Variants in ZNF217 observed in about 807,000 individuals in gnomAD.
ZNF217 encodes the protein zinc finger protein 217.
In ZNF217, 12 loss-of-function variants were observed where a neutral mutation model predicts 73.3. The observed-to-expected ratio is 0.16, with a 90% CI of 0.10 to 0.27. The LOEUF is 0.27. Ranked by LOEUF, ZNF217 falls within the 10% of genes least tolerant of loss-of-function variation. The pLI is 1.00. For synonymous variants in ZNF217, 588 were observed against 516.4 expected (o/e 1.14, Z -1.88); for missense variants, 1,195 against 1,327.8 (o/e 0.90, Z 1.55).
chr20:53,595,707 T>TAAA (rs1218931384), upstream of ZNF217, among the ~76,000 whole-genome samples: 1 of 152,264 alleles, frequency 6.6e-6, no homozygotes, highest in Admixed American at 6.5e-5. Flanking sequence ...TGATCACTTT[T>TAAA]AGTATTAGGA....
chr20:53,588,610 A>C (rs200521718), intron 1 of ZNF217, among the ~76,000 whole-genome samples: 7,808 of 147,012 alleles, frequency 0.053, 333 homozygotes, highest in East Asian at 0.15. Context: ...ATATATATAT[A>C]TATATATATA....
intron 2 of ZNF217, among the ~76,000 whole-genome samples, chr20:53,579,946 CAT>C (rs1988424413): frequency 6.6e-6 from 1 of 152,228 alleles, no homozygotes. Context: ...TGATCTAGCC[CAT>C]GTTTTCCACA....
At chr20:53,589,442 C>CAA (rs1281110547) in intron 1 of ZNF217, among the ~76,000 whole-genome samples, 2 of 152,170 alleles carry the variant, frequency 1.3e-5, no homozygotes, top group Non-Finnish European at 2.9e-5. Flanking sequence ...AGTCAGTCAA[C>CAA]AAATGTTCAA....
At chr20:53,587,223 C>A (rs1351175134) in intron 1 of ZNF217, among the ~76,000 whole-genome samples, 1 of 152,154 alleles carries the variant, frequency 6.6e-6, no homozygotes, top group Non-Finnish European at 1.5e-5. Flanking sequence ...CTAGAAAAGG[C>A]TGGAATAGAA....
intron 1 of ZNF217, among the ~76,000 whole-genome samples, chr20:53,591,406 G>A (rs1988875060): frequency 6.6e-6 from 1 of 152,142 alleles, no homozygotes; most frequent in South Asian, 2.1e-4. Context: ...TCCTCATCAC[G>A]CCAAATCATT....
chr20:53,579,823 A>AT (rs758351434), intron 2 of ZNF217, among the ~76,000 whole-genome samples: 16 of 152,254 alleles, frequency 1.1e-4, no homozygotes, highest in Non-Finnish European at 1.8e-4. Context: ...AAATAGTAGC[A>AT]AAGAAAGGTT....
At chr20:53,583,228 GGTGA>G (rs1988574160) in intron 1 of ZNF217, 60 bp from the exon 2 acceptor site, 1 of 404,604 alleles carries the variant, frequency 2.5e-6, no homozygotes. Flanking sequence ...GGCTGGTGTG[GGTGA>G]GTCATACGGT....
chr20:53,579,776 G>A (rs761506949), intron 2 of ZNF217, among the ~76,000 whole-genome samples: 1 of 152,224 alleles, frequency 6.6e-6, no homozygotes, highest in Non-Finnish European at 1.5e-5. Flanking sequence ...CTTGGGAGGT[G>A]GAAGACAGGG....
intron 2 of ZNF217, among the ~76,000 whole-genome samples, chr20:53,580,641 G>A (rs954060459): frequency 9.2e-5 from 14 of 152,164 alleles, no homozygotes; most frequent in African/African-American, 3.4e-4. Context: ...TTCTATAAAT[G>A]CCACTAGTAC....
rs202212396 is a variant in ZNF217 at position 53,578,983 on chromosome 20, G to C, written c.1367-533C>G. On this transcript the variant is annotated intron_variant, in intron 2 of 5. Transcript: ENST00000371471. ...GCACAACTTAATCTTCAACAGAAAA[G>C]AAAGTCTGGCATTGGGCAAGCACCT... 2.6e-5 allele frequency among the ~76,000 whole-genome samples: 4 copies of C among 152,172 alleles called. No individual in the cohort carries two copies. The East Asian group carries it at 7.7e-4, about 29-fold the overall frequency.
At chr20:53,586,590 A>G (rs368026254) in intron 1 of ZNF217, among the ~76,000 whole-genome samples, 51 of 152,330 alleles carry the variant, frequency 3.3e-4, no homozygotes, top group African/African-American at 1.2e-3. Flanking sequence ...CTGCTAACAC[A>G]CTAGACAAAA....
chr20:53,594,375 C>CGCCCCACACCGCCCCG (rs1271043304), upstream of ZNF217, among the ~76,000 whole-genome samples: 1 of 149,784 alleles, frequency 6.7e-6, no homozygotes, highest in African/African-American at 2.4e-5. Context: ...CGCCCGGCCA[C>CGCCCCACACCGCCCCG]GCCCCACACC....
At position 53,567,967 on chromosome 20, in the gene ZNF217, TA is replaced by T. The variant is rs1461865671; in HGVS notation, c.*1320del. ...TGTGGTCACTAAGCCCATGTACTAA[TA>T]AACTCAGCCATGGACAGCATATTAA... On this transcript the variant is annotated 3_prime_UTR_variant, in exon 6 of 6. Transcript: ENST00000371471. The T allele has an allele frequency of 6.6e-6, 1 of 152,652 alleles. No individual in the cohort carries two copies. The highest frequency in any genetic ancestry group is 1.5e-5 in the Non-Finnish European group (1 of 68,050). The allele number at this position is 152,652 out of a possible 1,614,324, so 9.5% of individuals were successfully genotyped here.
intron 2 of ZNF217, among the ~76,000 whole-genome samples, chr20:53,578,992 G>C (rs1003013967): frequency 2.6e-5 from 4 of 152,176 alleles, no homozygotes; most frequent in Admixed American, 2.6e-4. Context: ...AGAAAGTCTG[G>C]CATTGGGCAA....
At chr20:53,579,711 A>T (rs915373617) in intron 2 of ZNF217, among the ~76,000 whole-genome samples, 1 of 152,210 alleles carries the variant, frequency 6.6e-6, no homozygotes, top group African/African-American at 2.4e-5. Context: ...CTGACTTTAC[A>T]GTTATATTTT....
rs1045515819 is a variant in ZNF217 at position 53,567,454 on chromosome 20, A to G, written c.*1834T>C. ...GCATAATACAAATCGACTTGTTTTC[A>G]AATAGATTTGGTGATTCTTTTTTTT... On this transcript the variant is annotated 3_prime_UTR_variant, in exon 6 of 6. Coordinates refer to ENST00000371471, the MANE Select transcript of ZNF217 (RefSeq NM_006526.3). The G allele has an allele frequency of 2.6e-5, 4 of 152,488 alleles. No individual in the cohort carries two copies. The highest frequency in any genetic ancestry group is 9.7e-5 in the African/African-American group (4 of 41,318). 9.4% of individuals were successfully genotyped at this position (152,488 alleles called of 1,614,324 possible). A position where few individuals can be genotyped will look rare whatever the true frequency, so the allele number is the denominator to read the frequency against.
chr20:53,596,678 A>C (rs1989046250), upstream of ZNF217, among the ~76,000 whole-genome samples: 1 of 152,288 alleles, frequency 6.6e-6, no homozygotes, highest in Middle Eastern at 3.4e-3. Context: ...ACAAAGTGAA[A>C]ATTGAAAATC....
chr20:53,587,121 A>T (rs971432335), intron 1 of ZNF217, among the ~76,000 whole-genome samples: 6 of 152,220 alleles, frequency 3.9e-5, no homozygotes, highest in Non-Finnish European at 8.8e-5. Flanking sequence ...GTATAGCCAT[A>T]TTTTGAAAGA....
At position 53,582,932 on chromosome 20, in the gene ZNF217, ATATT is replaced by A; in HGVS notation, c.-110_-107del. On this transcript the variant is annotated 5_prime_UTR_variant, in exon 2 of 6. Transcript: ENST00000371471. The surrounding 1 kb of genome is among the most constrained non-coding windows in gnomAD (Gnocchi z 4.8). ...CCCTGGGTTCCAAAAACCAGAGCAAATATTTATTATAAAAGTTCAAAAGAAAGTG... is the reference window on the plus strand; with the variant it reads ...CCCTGGGTTCCAAAAACCAGAGCAAATATTATAAAAGTTCAAAAGAAAGTG... 8.3e-7 allele frequency: 1 copy of A among 1,208,512 alleles called. No individual in the cohort carries two copies. Among genetic ancestry groups the A allele is most frequent in the Non-Finnish European group, 1.2e-6 (1 of 861,862 alleles). 74.9% of individuals were successfully genotyped at this position (1,208,512 alleles called of 1,614,324 possible).
Sources: allele counts gnomAD v4.1 joint callset (sites outside exome capture counted in the v4.1 genomes callset), GRCh38; gene constraint gnomAD v4.1.1; non-coding constraint Gnocchi (gnomAD v3.1); transcripts MANE v1.5; gene names NCBI Gene and HGNC (gene_info 2026-07-23, HGNC 2026-07-21).